WDR62: variants seen among roughly 807,000 people sequenced by gnomAD.
WDR62 encodes WD repeat domain 62.
WDR62 carries 112 observed loss-of-function variants against 160.6 expected under a neutral mutation model. The observed-to-expected ratio is 0.70, with a 90% CI of 0.60 to 0.82. The LOEUF (loss-of-function observed/expected upper bound fraction) is 0.82, where lower values mean the gene tolerates loss of function less well. Among genes scored for constraint, WDR62 ranks in the 40% least tolerant of loss-of-function variants. The pLI is 0.00. For synonymous variants in WDR62, 792 were observed against 815.1 expected, an observed-to-expected ratio of 0.97 and a Z score of 0.48; for missense variants, 1,819 against 1,983.8, an observed-to-expected ratio of 0.92 and a Z score of 1.58.
chr19:36,108,629 G>C (rs1973752508), downstream of WDR62, among the ~76,000 whole-genome samples: 1 of 152,144 alleles, frequency 6.6e-6, no homozygotes, highest in Admixed American at 6.6e-5. Flanking sequence ...AAGGCAGGCA[G>C]ACGGTTTGAG....
In WDR62 at chr19:36,102,482, A is replaced by G. The variant is rs1444652989; in HGVS notation, c.3221-255A>G. The G allele has an allele frequency of 2.9e-5, 17 of 588,262 alleles. No homozygotes were observed. The East Asian group carries it at 4.9e-4, about 17-fold the overall frequency. 36.4% of individuals were successfully genotyped at this position (588,262 alleles called of 1,614,324 possible). A position where few individuals can be genotyped will look rare whatever the true frequency, so the allele number is the denominator to read the frequency against. On this transcript the variant is annotated intron_variant, in intron 26 of 31. Coordinates refer to ENST00000401500, the MANE Select transcript of WDR62 (RefSeq NM_001083961.2). ...TCACCATGTTGGCCAGACTGGTCTC[A>G]AACTCCTGCCTCAGATGATCTGCCC...
chr19:36,098,854 C>G (rs79605776), intron 21 of WDR62, among the ~76,000 whole-genome samples: 1 of 152,060 alleles, frequency 6.6e-6, no homozygotes, highest in African/African-American at 2.4e-5. Flanking sequence ...TTTGGGAGGC[C>G]GAAACAGGAT....
In WDR62 at chr19:36,104,669, C is replaced by G. The variant is rs777316683; in HGVS notation, c.4305C>G (p.Tyr1435Ter). Residue 1435 changes from tyrosine (Y) to a stop codon, truncating the protein, a stop_gained, in exon 31 of 32, where the codon TAC becomes TAG. Transcript: ENST00000401500. LOFTEE classifies it low-confidence loss of function (END_TRUNC). ...QTTFQEALDL[Y>*]RVLVSSGQVD... ...CCTTCCAAGAAGCCCTCGACCTTTA[C>G]CGTGTGGTGAGCTAAGCCCCAGAGT... 1.2e-6 allele frequency: 2 copies of G among 1,613,980 alleles called. No individual in the cohort carries two copies. Among genetic ancestry groups the G allele is most frequent in the African/African-American group, 1.3e-5 (1 of 74,922 alleles).
At chr19:36,101,800 G>C in intron 25 of WDR62, 26 bp downstream of exon 25, 1 of 1,540,040 alleles carries the variant, frequency 6.5e-7, no homozygotes, top group South Asian at 1.2e-5. Flanking sequence ...ACACGCAGGG[G>C]ACTCGCTGCT....
intron 12 of WDR62, among the ~76,000 whole-genome samples, chr19:36,085,036 T>A (rs1298994688): frequency 6.6e-6 from 1 of 152,166 alleles, no homozygotes; most frequent in African/African-American, 2.4e-5. Context: ...GATTGATTGT[T>A]AGGCATTATT....
In WDR62 at chr19:36,067,968, G is replaced by C. The variant is rs966442073; in HGVS notation, c.840G>C (p.Gln280His). ...FCVSYSGLLC[Q>H]FNEKRVLEKW... ...TGTCCTACTCGGGCCTCCTCTGCCA[G>C]TTCAATGAGAAGAGGGTGCTGGAGA... The change falls in exon 7 of 32, where the codon CAG becomes CAC. Residue 280 changes from glutamine (Q) to histidine (H), a missense_variant. Gln to His is a conservative substitution (Grantham distance 24, BLOSUM62 0). Transcript: ENST00000401500. 3 of 1,614,070 alleles carry C rather than the reference G, an allele frequency of 1.9e-6. No homozygotes were observed. Among genetic ancestry groups the C allele is most frequent in the Non-Finnish European group, 2.5e-6 (3 of 1,180,042 alleles).
At chr19:36,090,421 C>G (rs199640845) in intron 15 of WDR62, 24 bp from the exon 16 acceptor site, 2 of 1,613,032 alleles carry the variant, frequency 1.2e-6, no homozygotes, top group Non-Finnish European at 1.7e-6. Flanking sequence ...CCCTGTTGGC[C>G]GCAACATGCC....
In WDR62 at chr19:36,100,829, A is replaced by G. The variant is rs752614741; in HGVS notation, c.2821A>G (p.Ile941Val). ...QKESSEASEL[I>V]LYSLEAEVTV... ...GGAATCATCTGAGGCCAGTGAGCTC[A>G]TCCTCTACTCTCTGGAGGCAGAAGT... The change falls in exon 23 of 32, where the codon ATC becomes GTC. Residue 941 changes from isoleucine (I) to valine (V), a missense_variant. By Grantham distance (29) the Ile-to-Val change is conservative. Around this residue, in one of 3 missense-constraint regions of WDR62, gnomAD observed 934 missense variants for 1,157.2 expected, o/e 0.81. Coordinates refer to ENST00000401500, the MANE Select transcript of WDR62 (RefSeq NM_001083961.2). 12 of 1,614,140 alleles carry G rather than the reference A, an allele frequency of 7.4e-6. No homozygotes were observed. The African/African-American group carries it at 1.6e-4, about 22-fold the overall frequency.
At chr19:36,107,695 A>G (rs1973740026), downstream of WDR62, among the ~76,000 whole-genome samples, 1 of 152,064 alleles carries the variant, frequency 6.6e-6, no homozygotes, top group African/African-American at 2.4e-5. Context: ...GTTGCAGCTC[A>G]AACAAAGAGG....
Position 36,086,769 on chromosome 19 carries a change from G to A in WDR62, c.1725G>A (p.Thr575=), listed in dbSNP as rs759700371. 7 of 1,609,084 alleles carry A rather than the reference G, an allele frequency of 4.4e-6. No individual in the cohort carries two copies. The African/African-American group carries it at 5.3e-5, about 12-fold the overall frequency. ...NVEKNYNLEQ[T]LDDHSSSITA... The stretch of plus-strand genomic sequence containing the variant: ...AGAAGAACTACAACCTGGAGCAGAC[G>A]CTGGATGACCACTCCTCCTCCATCA... The change falls in exon 13 of 32, where the codon ACG becomes ACA. Residue 575 remains threonine (T), a synonymous_variant. Transcript: ENST00000401500.
intron 21 of WDR62, among the ~76,000 whole-genome samples, chr19:36,098,768 A>G (rs1165974485): frequency 7.9e-5 from 12 of 152,160 alleles, no homozygotes. Flanking sequence ...TCCATACAGA[A>G]ATGTAGAGCA....
the WDR62 span, chr19:36,111,119 T>C: frequency 8.0e-7 from 1 of 1,251,984 alleles, no homozygotes; most frequent in Non-Finnish European, 1.1e-6. Context: ...TTCCCCTCCT[T>C]TCCCACCAGG....
At chr19:36,091,881 C>CAA (rs71167591) in intron 18 of WDR62, among the ~76,000 whole-genome samples, 5 of 144,498 alleles carry the variant, frequency 3.5e-5, no homozygotes, top group African/African-American at 5.1e-5. Flanking sequence ...GACCCCGTCT[C>CAA]AAAAAAAAAA....
At chr19:36,103,096 G>T in intron 28 of WDR62, 22 bp downstream of exon 28, 1 of 1,614,030 alleles carries the variant, frequency 6.2e-7, no homozygotes, top group Non-Finnish European at 8.5e-7. Context: ...GCCCACCTCC[G>T]TCAGGGCACG....
Position 36,058,970 on chromosome 19 carries a change from C to T in WDR62, c.269+99C>T, listed in dbSNP as rs1168165343. The T allele has an allele frequency of 6.0e-6, 6 of 1,006,352 alleles. No homozygotes were observed. The South Asian group carries it at 6.9e-5, about 11-fold the overall frequency. 62.3% of individuals were successfully genotyped at this position (1,006,352 alleles called of 1,614,324 possible). ...ATCGCTCTGAGCCTCATATTTTTCA[C>T]CTGTAGAATGTGGAGAATGGGGCCT... is the stretch of plus-strand genomic sequence containing the variant. On this transcript the variant is annotated intron_variant, in intron 2 of 31. Coordinates refer to ENST00000401500, the MANE Select transcript of WDR62 (RefSeq NM_001083961.2).
chr19:36,076,870 C>T (rs1971598267), intron 9 of WDR62, among the ~76,000 whole-genome samples: 1 of 152,122 alleles, frequency 6.6e-6, no homozygotes, highest in Non-Finnish European at 1.5e-5. Flanking sequence ...ACTATATTTA[C>T]AGGATCTGAA....
At chr19:36,088,944 G>C (rs1171339872) in intron 13 of WDR62, 94 bp from the exon 14 acceptor site, 1 of 1,419,536 alleles carries the variant, frequency 7.0e-7, no homozygotes, top group Non-Finnish European at 9.8e-7. Context: ...TCCCAGCACA[G>C]TTGATTGATG....
chr19:36,090,309 AG>A (rs1487491444), intron 15 of WDR62, 135 bp from the exon 16 acceptor site: 1 of 792,212 alleles, frequency 1.3e-6, no homozygotes, highest in Non-Finnish European at 2.2e-6. Flanking sequence ...ATGGGGTTTC[AG>A]TTTCAGTCTA....
chr19:36,067,246 G>A lies in WDR62; in HGVS notation c.562-60G>A, dbSNP rs1177110290. On this transcript the variant is annotated intron_variant, in intron 5 of 31. Transcript: ENST00000401500. ...CAGGGAGTTCCAGCCTGAGGGCAAA[G>A]GCACAAACAGTCCAGTGGAATGAGT... is the stretch of plus-strand genomic sequence containing the variant. The A allele has an allele frequency of 6.8e-6, 11 of 1,611,996 alleles. 1 individual carries two copies. Among genetic ancestry groups the A allele is most frequent in the Middle Eastern group, 1.6e-4 (1 of 6,062 alleles).
Sources: gnomAD v4.1 joint callset for allele counts (sites outside exome capture counted in the v4.1 genomes callset) on GRCh38, gnomAD v4.1.1 for gene constraint, gnomAD v4.1.1 regional missense constraint, MANE v1.5 for transcripts, NCBI Gene and HGNC (gene_info 2026-07-23, HGNC 2026-07-21) for gene names.